Variants in RBMS1 observed in about 807,000 individuals in gnomAD.
RBMS1 encodes the protein RNA-binding motif, single-stranded-interacting protein 1.
RBMS1 carries 17 observed loss-of-function variants against 62.3 expected under a neutral mutation model. The observed-to-expected ratio is 0.27, with a 90% confidence interval of 0.19 to 0.41. RBMS1 has a LOEUF of 0.41. RBMS1 is among the 10% of genes least tolerant of loss of function. The pLI, the probability that RBMS1 is intolerant of heterozygous loss-of-function variation, is 1.00. For missense variants in RBMS1, 334 were observed against 504.5 expected, an observed-to-expected ratio of 0.66 and a Z score of 3.24; for synonymous variants, 172 against 170.0, an observed-to-expected ratio of 1.01 and a Z score of -0.09.
In RBMS1 at chr2:160,427,594, T is replaced by C. The variant is rs72623126; in HGVS notation, c.76-60203A>G. Among the ~76,000 whole-genome samples, 376 of 152,332 alleles carry C rather than the reference T, an allele frequency of 2.5e-3. 19 individuals carry two copies. The East Asian group carries it at 0.061, about 25-fold the overall frequency. ...CAATTCCACAAGGGAATTACATTTT[T>C]AAAATATCAAAGACTAAAATTCTTG... On this transcript the variant is annotated intron_variant, in intron 1 of 13. Coordinates refer to ENST00000348849, the MANE Select transcript of RBMS1 (RefSeq NM_016836.4).
intron 1 of RBMS1, among the ~76,000 whole-genome samples, chr2:160,414,146 T>A (rs1290596437): frequency 6.6e-6 from 1 of 152,206 alleles, no homozygotes; most frequent in Admixed American, 6.5e-5. Context: ...TGGATTTACA[T>A]TGAATTTCCA....
chr2:160,316,250 T>C (rs996054102), intron 3 of RBMS1, among the ~76,000 whole-genome samples: 1 of 152,146 alleles, frequency 6.6e-6, no homozygotes, highest in Admixed American at 6.6e-5. Context: ...ATAAACCCAC[T>C]CTTACCCTCT....
At chr2:160,455,266 C>G (rs1559572647) in intron 1 of RBMS1, among the ~76,000 whole-genome samples, 1 of 152,182 alleles carries the variant, frequency 6.6e-6, no homozygotes, top group South Asian at 2.1e-4. Flanking sequence ...AGACATGGTA[C>G]AGGCTGTTAT....
intron 1 of RBMS1, among the ~76,000 whole-genome samples, chr2:160,417,279 A>G (rs1398167202): frequency 6.6e-6 from 1 of 152,220 alleles, no homozygotes; most frequent in African/African-American, 2.4e-5. Flanking sequence ...ATAAGAAAGA[A>G]CATGCTTTAT....
At chr2:160,288,202 G>C (rs1341369052) in intron 6 of RBMS1, among the ~76,000 whole-genome samples, 1 of 152,010 alleles carries the variant, frequency 6.6e-6, no homozygotes, top group Non-Finnish European at 1.5e-5. Flanking sequence ...TTCCTGTCTG[G>C]TTCCCACATT....
At chr2:160,462,946 C>T (rs988007812) in intron 1 of RBMS1, among the ~76,000 whole-genome samples, 1 of 152,070 alleles carries the variant, frequency 6.6e-6, no homozygotes, top group Non-Finnish European at 1.5e-5. Flanking sequence ...AAGAATGAAA[C>T]CCCAAAAAGA....
At position 160,385,429 on chromosome 2, in the gene RBMS1, A is replaced by C. The variant is rs1245292443; in HGVS notation, c.76-18038T>G. Among the ~76,000 whole-genome samples the C allele has an allele frequency of 2.6e-5, 4 of 151,946 alleles. No individual in the cohort carries two copies. In the East Asian group the frequency reaches 5.8e-4, roughly 22 times the overall value. ...GCTAACTAAAACAACAACAACAAAA[A>C]CCCCTAGGTTCAAAAGTAACAGGCA... On this transcript the variant is annotated intron_variant, in intron 1 of 13. Coordinates refer to ENST00000348849, the MANE Select transcript of RBMS1 (RefSeq NM_016836.4).
chr2:160,275,598 G>GCC (rs753396408), intron 13 of RBMS1, 32 bp downstream of exon 13: 6 of 1,604,028 alleles, frequency 3.7e-6, no homozygotes, highest in Non-Finnish European at 5.1e-6. Context: ...CTTGATTTGA[G>GCC]CCCCCCAGTT....
intron 1 of RBMS1, among the ~76,000 whole-genome samples, chr2:160,470,807 G>C (rs1684885379): frequency 6.6e-6 from 1 of 152,040 alleles, no homozygotes; most frequent in African/African-American, 2.4e-5. Flanking sequence ...GCCTAGTTAA[G>C]AATATCTGTG....
intron 1 of RBMS1, among the ~76,000 whole-genome samples, chr2:160,419,053 A>G (rs920612659): frequency 3.3e-5 from 5 of 152,250 alleles, no homozygotes; most frequent in Admixed American, 6.5e-5. Context: ...GAAGGTTTGT[A>G]AATGAGTCAC....
chr2:160,318,278 A>G (rs1690349207), intron 2 of RBMS1, 51 bp from the exon 3 acceptor site: 35 of 1,489,654 alleles, frequency 2.3e-5, no homozygotes, highest in Non-Finnish European at 3.0e-5. Flanking sequence ...AAAGAAAAAG[A>G]AGTTATAAGG....
At chr2:160,299,370 A>C (rs1469931725) in intron 6 of RBMS1, among the ~76,000 whole-genome samples, 1 of 152,224 alleles carries the variant, frequency 6.6e-6, no homozygotes, top group African/African-American at 2.4e-5. Flanking sequence ...GAATCCTGTG[A>C]TTTAAAAAAT....
At chr2:160,341,479 G>GA (rs1434214635) in intron 2 of RBMS1, among the ~76,000 whole-genome samples, 3 of 152,118 alleles carry the variant, frequency 2.0e-5, no homozygotes, top group African/African-American at 4.8e-5. Flanking sequence ...GTCAATGACA[G>GA]AAAGTCTCCC....
chr2:160,340,793 ACCCATAGG>A (rs1183458515), intron 2 of RBMS1, among the ~76,000 whole-genome samples: 1 of 152,184 alleles, frequency 6.6e-6, no homozygotes, highest in Non-Finnish European at 1.5e-5. Context: ...AAACTGGGAT[ACCCATAGG>A]CATGTTAGTA....
intron 4 of RBMS1, among the ~76,000 whole-genome samples, chr2:160,311,224 C>CCATATATATATATATA (rs71297446): frequency 0.012 from 673 of 56,360 alleles, 40 homozygotes; most frequent in Admixed American, 0.018. Context: ...ATCTATCTAT[C>CCATATATATATATATA]TATCTATCTA....
At chr2:160,307,216 A>T (rs980690305) in intron 4 of RBMS1, among the ~76,000 whole-genome samples, 1 of 152,168 alleles carries the variant, frequency 6.6e-6, no homozygotes, top group Non-Finnish European at 1.5e-5. Context: ...GTAAGAGCAG[A>T]CATCTGTTTT....
At position 160,305,665 on chromosome 2, in the gene RBMS1, A is replaced by C. The variant is rs1301237128; in HGVS notation, c.403-2178T>G. Among the ~76,000 whole-genome samples, 4 of 152,166 alleles carry C rather than the reference A, an allele frequency of 2.6e-5. No individual in the cohort carries two copies. In the East Asian group the frequency reaches 7.7e-4, roughly 29 times the overall value. Reference sequence around the variant, plus strand: ...GAAGAAACTGCAGTTTGAAAGCTACATCTTGAAAAATAGGGCGGTTTTGGC... The same window carrying C: ...GAAGAAACTGCAGTTTGAAAGCTACCTCTTGAAAAATAGGGCGGTTTTGGC... On this transcript the variant is annotated intron_variant, in intron 4 of 13. Coordinates refer to ENST00000348849, the MANE Select transcript of RBMS1 (RefSeq NM_016836.4).
At chr2:160,281,771 C>T (rs554354425) in intron 9 of RBMS1, 2 of 178,840 alleles carry the variant, frequency 1.1e-5, no homozygotes, top group Admixed American at 5.7e-5. Flanking sequence ...TTAATTCCAG[C>T]ACATCTTATT....
At position 160,307,352 on chromosome 2, in the gene RBMS1, CTATT is replaced by C. The variant is rs368039501; in HGVS notation, c.403-3869_403-3866del. Among the ~76,000 whole-genome samples the C allele has an allele frequency of 6.0e-3, 643 of 107,688 alleles. 7 individuals carry two copies. The highest frequency in any genetic ancestry group is 0.021 in the African/African-American group (559 of 27,154). The allele number at this position is 107,688 out of a possible 152,430, so 70.6% of individuals were successfully genotyped here. ...ATTATATTCCTGCTCGTGTGACTGCCTATTTATTGAAAAAAAAAAAAAAAAAAAA... is the reference window on the plus strand; with the variant it reads ...ATTATATTCCTGCTCGTGTGACTGCCTATTGAAAAAAAAAAAAAAAAAAAA... On this transcript the variant is annotated intron_variant, in intron 4 of 13. Coordinates refer to ENST00000348849, the MANE Select transcript of RBMS1 (RefSeq NM_016836.4).
Sources: gnomAD v4.1 joint callset for allele counts (sites outside exome capture counted in the v4.1 genomes callset) on GRCh38, gnomAD v4.1.1 for gene constraint, MANE v1.5 for transcripts, NCBI Gene and HGNC (gene_info 2026-07-23, HGNC 2026-07-21) for gene names.